ZNF385D: variants seen among roughly 807,000 people sequenced by gnomAD.
The protein encoded by ZNF385D is zinc finger protein 659.
ZNF385D carries 15 observed loss-of-function variants against 35.8 expected under a neutral mutation model. The observed-to-expected ratio is 0.42, with a 90% CI of 0.28 to 0.64. The LOEUF is 0.64. ZNF385D is among the 30% of genes least tolerant of loss of function. The pLI is 0.23. For synonymous variants in ZNF385D, 212 were observed against 186.8 expected (o/e 1.13, Z -1.10); for missense variants, 474 against 494.6 (o/e 0.96, Z 0.39).
chr3:22,157,259 T>C (rs1280129108), intron 3 of ZNF385D, among the ~76,000 whole-genome samples: 1 of 152,130 alleles, frequency 6.6e-6, no homozygotes, highest in Non-Finnish European at 1.5e-5. Flanking sequence ...ATCTAAATCA[T>C]AAAATAAGAG....
chr3:21,553,856 A>G (rs2062644355), intron 3 of ZNF385D, among the ~76,000 whole-genome samples: 1 of 152,156 alleles, frequency 6.6e-6, no homozygotes. Context: ...TCCTCCATGA[A>G]AGGAGGAGGT....
intron 1 of ZNF385D, among the ~76,000 whole-genome samples, chr3:21,683,620 A>G (rs1410552293): frequency 6.7e-6 from 1 of 149,734 alleles, no homozygotes; most frequent in Non-Finnish European, 1.5e-5. Context: ...CCATCTCAAA[A>G]AAAAAAGAGA....
intron 2 of ZNF385D, among the ~76,000 whole-genome samples, chr3:22,363,920 A>C (rs1010647201): frequency 6.6e-6 from 1 of 152,136 alleles, no homozygotes; most frequent in Admixed American, 6.5e-5. Flanking sequence ...GAAGCAGGAC[A>C]TTTTGGCATC....
chr3:22,280,119 T>A (rs907366863), intron 2 of ZNF385D, among the ~76,000 whole-genome samples: 1 of 152,096 alleles, frequency 6.6e-6, no homozygotes, highest in African/African-American at 2.4e-5. Context: ...GCCCACTTTT[T>A]GATGGGGCTG....
At chr3:21,792,728 A>G (rs778571593) in intron 3 of ZNF385D, among the ~76,000 whole-genome samples, 2 of 152,116 alleles carry the variant, frequency 1.3e-5, no homozygotes, top group African/African-American at 2.4e-5. Flanking sequence ...TCACTCCTCA[A>G]AAGAGGACCC....
intron 3 of ZNF385D, among the ~76,000 whole-genome samples, chr3:21,840,791 AATTACCCCCTT>A (rs574483724): frequency 0.012 from 1,849 of 152,088 alleles, 36 homozygotes; most frequent in African/African-American, 0.04. Context: ...AAGTTTGATA[AATTACCCCCTT>A]ATGTCAATCA....
intron 2 of ZNF385D, among the ~76,000 whole-genome samples, chr3:21,612,598 A>C (rs1312876327): frequency 6.6e-6 from 1 of 151,664 alleles, no homozygotes; most frequent in African/African-American, 2.4e-5. Context: ...TTTAGCTCTT[A>C]TAACATATCA....
chr3:21,606,677 G>A (rs1053341459), intron 2 of ZNF385D, among the ~76,000 whole-genome samples: 1 of 152,106 alleles, frequency 6.6e-6, no homozygotes, highest in Non-Finnish European at 1.5e-5. Context: ...AAAACAAAAG[G>A]TTTGGATTAT....
intron 4 of ZNF385D, among the ~76,000 whole-genome samples, chr3:21,483,439 ATGTC>A (rs1704790296): frequency 1.3e-5 from 2 of 152,188 alleles, no homozygotes; most frequent in Admixed American, 1.3e-4. Flanking sequence ...ACTGTTATAA[ATGTC>A]TGGAGTAAAT....
chr3:21,999,371 G>A (rs947996715), intron 3 of ZNF385D, among the ~76,000 whole-genome samples: 1 of 151,552 alleles, frequency 6.6e-6, no homozygotes, highest in African/African-American at 2.4e-5. Flanking sequence ...AGACAACTTT[G>A]AATGCAATCT....
chr3:22,184,995 G>A (rs965921546), intron 2 of ZNF385D, among the ~76,000 whole-genome samples: 4 of 151,812 alleles, frequency 2.6e-5, no homozygotes, highest in Admixed American at 2.0e-4. Flanking sequence ...GTTAAAATGT[G>A]TTTTAAATAA....
intron 3 of ZNF385D, among the ~76,000 whole-genome samples, chr3:21,803,939 T>C (rs1025588101): frequency 6.6e-6 from 1 of 152,230 alleles, no homozygotes; most frequent in Non-Finnish European, 1.5e-5. Context: ...AGAAATTGTG[T>C]ATTCTTCAAA....
At chr3:21,519,590 T>A (rs1161745598) in intron 3 of ZNF385D, among the ~76,000 whole-genome samples, 2 of 152,174 alleles carry the variant, frequency 1.3e-5, no homozygotes, top group African/African-American at 4.8e-5. Context: ...AGGATAGCAG[T>A]GGGCTTTGGA....
chr3:21,863,791 A>G (rs1488886267), intron 3 of ZNF385D, among the ~76,000 whole-genome samples: 3 of 152,314 alleles, frequency 2.0e-5, no homozygotes, highest in South Asian at 2.1e-4. Context: ...CCAGTAAAGA[A>G]AGAAAACTAA....
intron 2 of ZNF385D, among the ~76,000 whole-genome samples, chr3:21,569,384 C>A (rs1159279683): frequency 2.0e-5 from 3 of 150,008 alleles, no homozygotes; most frequent in East Asian, 3.9e-4. Flanking sequence ...AGGATTGCAA[C>A]CCCTGCCTTT....
intron 2 of ZNF385D, among the ~76,000 whole-genome samples, chr3:21,588,896 A>G (rs771265529): frequency 2.8e-4 from 42 of 152,184 alleles, no homozygotes; most frequent in Non-Finnish European, 4.9e-4. Flanking sequence ...CCATTTTCAA[A>G]TGTAATATGC....
intron 3 of ZNF385D, among the ~76,000 whole-genome samples, chr3:21,790,866 T>C (rs543020242): frequency 2.6e-5 from 4 of 152,224 alleles, no homozygotes; most frequent in Admixed American, 6.5e-5. Flanking sequence ...AATGTGAAAT[T>C]TGATAGCTAG....
chr3:22,105,757 G>C (rs1456646332), intron 3 of ZNF385D, among the ~76,000 whole-genome samples: 5 of 152,102 alleles, frequency 3.3e-5, no homozygotes, highest in African/African-American at 1.2e-4. Flanking sequence ...ACATTGGGGA[G>C]GGCCATCTGC....
intron 3 of ZNF385D, among the ~76,000 whole-genome samples, chr3:21,870,514 T>G (rs1467501008): frequency 1.3e-5 from 2 of 152,182 alleles, no homozygotes; most frequent in Non-Finnish European, 2.9e-5. Context: ...TAAGAAGCAG[T>G]AGTATTACAA....
Sources: gnomAD v4.1 joint callset for allele counts (sites outside exome capture counted in the v4.1 genomes callset) on GRCh38, gnomAD v4.1.1 for gene constraint, MANE v1.5 for transcripts, NCBI Gene and HGNC (gene_info 2026-07-23, HGNC 2026-07-21) for gene names.